ZC3H14: variants seen among roughly 807,000 people sequenced by gnomAD.
ZC3H14 encodes the protein zinc finger CCCH domain-containing protein 14.
A neutral mutation model predicts 92.4 loss-of-function variants in ZC3H14; 31 were observed. The observed-to-expected ratio is 0.34, with a 90% CI of 0.25 to 0.45. The LOEUF (loss-of-function observed/expected upper bound fraction) is 0.45, where lower values mean the gene tolerates loss of function less well. Among genes scored for constraint, ZC3H14 ranks in the 20% least tolerant of loss-of-function variants. The pLI is 1.00. For synonymous variants in ZC3H14, 321 were observed against 300.9 expected (o/e 1.07, Z -0.69); for missense variants, 781 against 897.3 (o/e 0.87, Z 1.66).
rs1169811516 is a variant in ZC3H14, at chr14:88,621,905, CT to C, written c.*10155del. 1 of 456,008 alleles carries C rather than the reference CT, an allele frequency of 2.2e-6. No individual in the cohort carries two copies. The highest frequency in any genetic ancestry group is 4.4e-6 in the Non-Finnish European group (1 of 226,712). The allele number at this position is 456,008 out of a possible 1,614,324, so 28.2% of individuals were successfully genotyped here. A position where few individuals can be genotyped will look rare whatever the true frequency, so the allele number is the denominator to read the frequency against. ...TTTCAAAATCCTCTCTTGTAAATAC[CT>C]GAAAATACATAAATACGTGATTCTT... On this transcript the variant is annotated 3_prime_UTR_variant, in exon 17 of 17. Coordinates refer to ENST00000251038, the MANE Select transcript of ZC3H14 (RefSeq NM_024824.5).
chr14:88,610,755 CCT>C (rs948633928), intron 15 of ZC3H14, 77 bp from the exon 16 acceptor site: 36 of 1,375,004 alleles, frequency 2.6e-5, no homozygotes, highest in Non-Finnish European at 3.6e-5. Flanking sequence ...AGAGTGAGAC[CCT>C]GTCTCAAATA....
At position 88,623,060 on chromosome 14, in the gene ZC3H14, G is replaced by A. The variant is rs540769180; in HGVS notation, c.*11309G>A. On this transcript the variant is annotated 3_prime_UTR_variant, in exon 17 of 17. Transcript: ENST00000251038. ...AGATGTAGTCTCGCTCTGTCTCCCAGGCTTGAGTGCAGTGGCATGATCTAG... is the reference window on the plus strand; with the variant it reads ...AGATGTAGTCTCGCTCTGTCTCCCAAGCTTGAGTGCAGTGGCATGATCTAG... 6.5e-6 allele frequency: 1 copy of A among 154,964 alleles called. No individual in the cohort carries two copies. Among genetic ancestry groups the A allele is most frequent in the South Asian group, 1.9e-4 (1 of 5,224 alleles). The allele number at this position is 154,964 out of a possible 1,614,324, so 9.6% of individuals were successfully genotyped here. A position where few individuals can be genotyped will look rare whatever the true frequency, so the allele number is the denominator to read the frequency against.
At chr14:88,566,367 A>G (rs2079624666) in intron 2 of ZC3H14, among the ~76,000 whole-genome samples, 1 of 152,134 alleles carries the variant, frequency 6.6e-6, no homozygotes, top group African/African-American at 2.4e-5. Flanking sequence ...AAGACCAAAC[A>G]GTTTGAGAAT....
intron 9 of ZC3H14, chr14:88,589,271 G>A (rs1227462301): frequency 6.6e-6 from 1 of 151,950 alleles, no homozygotes; most frequent in Admixed American, 6.6e-5. Flanking sequence ...GGAGCAGGTT[G>A]GTATGCTTAC....
chr14:88,609,763 C>T lies in ZC3H14; in HGVS notation c.2057C>T (p.Pro686Leu), dbSNP rs777246003. Residue 686 changes from proline to leucine, a missense_variant, in exon 15 of 17, where the codon CCT becomes CTT. Transcript: ENST00000251038. Reference protein sequence around the residue: ...PSSSQLCRYFPACKKMECPFY... With the variant: ...PSSSQLCRYFLACKKMECPFY... ...AGTAGTCAGCTCTGCCGTTACTTCCCTGCTTGTAAGAAGATGGAATGTCCC... is the reference window on the plus strand; with the variant it reads ...AGTAGTCAGCTCTGCCGTTACTTCCTTGCTTGTAAGAAGATGGAATGTCCC... 6.2e-7 allele frequency: 1 copy of T among 1,614,170 alleles called. No homozygotes were observed. Among genetic ancestry groups the T allele is most frequent in the South Asian group, 1.1e-5 (1 of 91,086 alleles).
chr14:88,609,616 A>G, intron 14 of ZC3H14, 96 bp from the exon 15 acceptor site: 1 of 1,465,782 alleles, frequency 6.8e-7, no homozygotes. Context: ...TCTAATTTAA[A>G]AATGGTTTTC....
At chr14:88,591,651 C>A (rs2083150845) in intron 9 of ZC3H14, 1 of 152,116 alleles carries the variant, frequency 6.6e-6, no homozygotes, top group Non-Finnish European at 1.5e-5. Flanking sequence ...CTGCTTTGCT[C>A]GGAGGGAAGA....
At chr14:88,563,545 G>A in intron 1 of ZC3H14, 106 bp from the exon 2 acceptor site, 6 of 1,580,762 alleles carry the variant, frequency 3.8e-6, no homozygotes, top group South Asian at 1.1e-5. Context: ...CCGCCCGGGG[G>A]ATCCGAGGTG....
rs190067946 is a variant in ZC3H14 at position 88,609,076 on chromosome 14, C to A, written c.1869-191C>A. Reference sequence around the variant, plus strand: ...AGTTAAAAGCCTGTGTTTGTGTTATCCCAAGCTTTGGAATAAATGATTGTG... The same window carrying A: ...AGTTAAAAGCCTGTGTTTGTGTTATACCAAGCTTTGGAATAAATGATTGTG... On this transcript the variant is annotated intron_variant, in intron 13 of 16. Coordinates refer to ENST00000251038, the MANE Select transcript of ZC3H14 (RefSeq NM_024824.5). 1,308 of 689,898 alleles carry A rather than the reference C, an allele frequency of 1.9e-3. 2 individuals are homozygous for A. The highest frequency in any genetic ancestry group is 2.8e-3 in the Non-Finnish European group (1,203 of 429,746). 42.7% of individuals were successfully genotyped at this position (689,898 alleles called of 1,614,324 possible).
At chr14:88,569,109 C>T (rs2139529681) in intron 3 of ZC3H14, among the ~76,000 whole-genome samples, 1 of 152,258 alleles carries the variant, frequency 6.6e-6, no homozygotes, top group Non-Finnish European at 1.5e-5. Context: ...TCAAGCAGTC[C>T]TCCTGCCTTG....
intron 9 of ZC3H14, chr14:88,591,595 C>A (rs2083142084): frequency 1.3e-5 from 2 of 152,124 alleles, no homozygotes; most frequent in Admixed American, 6.6e-5. Flanking sequence ...GTGAAAGATT[C>A]TTAGTCAAGG....
Position 88,627,054 on chromosome 14 carries a change from G to T in ZC3H14, c.*15303G>T. On this transcript the variant is annotated 3_prime_UTR_variant, in exon 17 of 17. Transcript: ENST00000251038. ...TGCTGGCAATTTTGGCACCTGACAA[G>T]ATACAACAAAATTATCTAGGTTATT... The T allele has an allele frequency of 1.9e-6, 3 of 1,613,298 alleles. No individual in the cohort carries two copies. Among genetic ancestry groups the T allele is most frequent in the Non-Finnish European group, 2.5e-6 (3 of 1,179,724 alleles).
chr14:88,571,821 A>G (rs1034490393), intron 4 of ZC3H14, among the ~76,000 whole-genome samples: 1 of 152,026 alleles, frequency 6.6e-6, no homozygotes, highest in Non-Finnish European at 1.5e-5. Flanking sequence ...AAAATTAGCC[A>G]GGCATCGTGG....
intron 2 of ZC3H14, chr14:88,567,778 A>T (rs945124064): frequency 4.3e-5 from 21 of 483,768 alleles, no homozygotes; most frequent in Non-Finnish European, 7.7e-5. Context: ...AAGGAAGTGA[A>T]TGCATGCTCA....
At position 88,607,287 on chromosome 14, in the gene ZC3H14, T is replaced by A; in HGVS notation, c.1792T>A (p.Leu598Met). The A allele has an allele frequency of 6.2e-7, 1 of 1,614,014 alleles. No individual in the cohort carries two copies. The highest frequency in any genetic ancestry group is 1.3e-5 in the African/African-American group (1 of 74,960). The part of the protein sequence containing the change: ...LSVAQKPEKL[L>M]ERCKYWPACK... ...TGTGGCACAGAAACCAGAAAAACTT[T>A]TGGAGCGCTGCAAGTACTGGCCTGC... The change falls in exon 13 of 17, where the codon TTG becomes ATG. Residue 598 changes from leucine to methionine, a missense_variant. By Grantham distance (15) the Leu-to-Met change is conservative (BLOSUM62 2). Transcript: ENST00000251038.
rs1386882718 is a variant in ZC3H14 at position 88,627,525 on chromosome 14, G to C, written c.*15774G>C. The C allele has an allele frequency of 2.6e-5, 25 of 955,048 alleles. No homozygotes were observed. The Admixed American group carries it at 7.2e-4, about 27-fold the overall frequency. The allele number at this position is 955,048 out of a possible 1,614,324, so 59.2% of individuals were successfully genotyped here. On this transcript the variant is annotated 3_prime_UTR_variant, in exon 17 of 17. Coordinates refer to ENST00000251038, the MANE Select transcript of ZC3H14 (RefSeq NM_024824.5). ...ACAGTACCACTGTGTACAGTATATT[G>C]CATAGGCCTCCACTGAATGATTGTT...
intron 9 of ZC3H14, among the ~76,000 whole-genome samples, chr14:88,587,987 TTC>T (rs2082659332): frequency 6.6e-6 from 1 of 152,208 alleles, no homozygotes. Flanking sequence ...CAAATTTACA[TTC>T]TGTTTCTTGT....
chr14:88,597,122 C>G (rs1428253514), intron 10 of ZC3H14, among the ~76,000 whole-genome samples: 1 of 152,164 alleles, frequency 6.6e-6, no homozygotes, highest in Non-Finnish European at 1.5e-5. Flanking sequence ...CTCTACCCAG[C>G]TTTTGTCATT....
chr14:88,577,848 C>G, intron 8 of ZC3H14, 137 bp from the exon 9 acceptor site: 1 of 1,098,034 alleles, frequency 9.1e-7, no homozygotes, highest in Non-Finnish European at 1.4e-6. Context: ...AGATTACAGG[C>G]ATGAGCCACT....
Sources: gnomAD v4.1 joint callset for allele counts (sites outside exome capture counted in the v4.1 genomes callset) on GRCh38, gnomAD v4.1.1 for gene constraint, MANE v1.5 for transcripts, NCBI Gene and HGNC (gene_info 2026-07-23, HGNC 2026-07-21) for gene names.